Variants in UTP20 observed in about 807,000 individuals in gnomAD.
UTP20 encodes small subunit processome component 20 homolog.
Under a neutral mutation model 329.5 loss-of-function variants are expected in UTP20, and 164 were observed. The observed-to-expected ratio is 0.50, with a 90% confidence interval of 0.44 to 0.57. The LOEUF (loss-of-function observed/expected upper bound fraction) is 0.57. Ranked by LOEUF, UTP20 falls within the 20% of genes least tolerant of loss-of-function variation. UTP20 has a pLI of 0.00. For missense variants in UTP20, 3,055 were observed against 3,284.2 expected (o/e 0.93, Z 1.71); for synonymous variants, 1,151 against 1,159.3 (o/e 0.99, Z 0.14).
chr12:101,283,607 A>G (rs1261955302), intron 2 of UTP20, among the ~76,000 whole-genome samples: 1 of 152,226 alleles, frequency 6.6e-6, no homozygotes, highest in Non-Finnish European at 1.5e-5. Flanking sequence ...TAGGCTAGAA[A>G]TGCGTTCTGC....
At chr12:101,299,094 C>T (rs1022356584) in intron 12 of UTP20, among the ~76,000 whole-genome samples, 1 of 152,044 alleles carries the variant, frequency 6.6e-6, no homozygotes, top group Non-Finnish European at 1.5e-5. Context: ...AGGTGTAGTA[C>T]ATTGGCAAAA....
rs1472389738 is a variant in UTP20, at chr12:101,340,733, C to G, written c.4101+123C>G. Reference sequence around the variant, plus strand: ...CATTTGTCGCAAGGAACTTAAAATACTTTATATAGAAATTAAAAAAATTAG... The same window carrying G: ...CATTTGTCGCAAGGAACTTAAAATAGTTTATATAGAAATTAAAAAAATTAG... On this transcript the variant is annotated intron_variant, in intron 32 of 61. Coordinates refer to ENST00000261637, the MANE Select transcript of UTP20 (RefSeq NM_014503.3). The G allele has an allele frequency of 1.2e-5, 8 of 640,952 alleles. No homozygotes were observed. The East Asian group carries it at 1.8e-4, about 14-fold the overall frequency. The allele number at this position is 640,952 out of a possible 1,614,324, so 39.7% of individuals were successfully genotyped here.
chr12:101,385,912 T>G, intron 61 of UTP20, 56 bp from the exon 62 acceptor site: 1 of 1,472,814 alleles, frequency 6.8e-7, no homozygotes, highest in Non-Finnish European at 9.1e-7. Flanking sequence ...TATTTGATTC[T>G]TATTGGTTTA....
At chr12:101,306,808 A>G (rs1872652650) in intron 17 of UTP20, 47 bp downstream of exon 17, 4 of 1,511,406 alleles carry the variant, frequency 2.6e-6, no homozygotes, top group Non-Finnish European at 3.6e-6. Flanking sequence ...ATATAGTTTT[A>G]CATATTATTG....
intron 21 of UTP20, among the ~76,000 whole-genome samples, chr12:101,313,345 G>A (rs1446097154): frequency 1.3e-5 from 2 of 152,122 alleles, no homozygotes; most frequent in African/African-American, 4.8e-5. Context: ...TTGGAGATGA[G>A]GGCAGAAAGT....
At chr12:101,324,287 G>GA (rs1337253990) in intron 25 of UTP20, among the ~76,000 whole-genome samples, 1 of 150,120 alleles carries the variant, frequency 6.7e-6, no homozygotes, top group Non-Finnish European at 1.5e-5. Context: ...ACCCAGGCTG[G>GA]AAGGCAGTGG....
At chr12:101,297,396 G>T (rs887113637) in intron 12 of UTP20, among the ~76,000 whole-genome samples, 1 of 151,846 alleles carries the variant, frequency 6.6e-6, no homozygotes, top group Non-Finnish European at 1.5e-5. Flanking sequence ...TTTAATTTTT[G>T]TAGAGACGAG....
intron 25 of UTP20, among the ~76,000 whole-genome samples, chr12:101,323,369 G>A (rs1233765431): frequency 6.6e-6 from 1 of 152,074 alleles, no homozygotes; most frequent in Non-Finnish European, 1.5e-5. Context: ...AAACTTTTTG[G>A]TGTATATTAC....
intron 21 of UTP20, among the ~76,000 whole-genome samples, chr12:101,314,270 A>G (rs942422361): frequency 2.0e-5 from 3 of 152,212 alleles, no homozygotes; most frequent in Non-Finnish European, 2.9e-5. Context: ...GAATAAAGTG[A>G]CCGTTGGCTT....
In UTP20 at chr12:101,343,077, G is replaced by A. The variant is rs1418263566; in HGVS notation, c.4433G>A (p.Cys1478Tyr). Reference sequence around the variant, plus strand: ...TACCTAATTCCAGTTATGCATAATTGTTTCTATAATCTAGAGGTAGGTTAT... The same window carrying A: ...TACCTAATTCCAGTTATGCATAATTATTTCTATAATCTAGAGGTAGGTTAT... ...VNYLIPVMHN[C>Y]FYNLELGDMS... Residue 1478 changes from cysteine (C) to tyrosine (Y), a missense_variant, in exon 35 of 62, where the codon TGT becomes TAT. Transcript: ENST00000261637. 1 of 1,606,332 alleles carries A rather than the reference G, an allele frequency of 6.2e-7. No individual in the cohort carries two copies. Among genetic ancestry groups the A allele is most frequent in the Non-Finnish European group, 8.5e-7 (1 of 1,176,278 alleles).
chr12:101,341,200 A>G (rs1869122276), intron 32 of UTP20, among the ~76,000 whole-genome samples: 1 of 151,452 alleles, frequency 6.6e-6, no homozygotes, highest in Admixed American at 6.6e-5. Flanking sequence ...CTGGCCTGGA[A>G]CTCCTGACCT....
At chr12:101,342,174 G>A (rs945947606) in intron 32 of UTP20, among the ~76,000 whole-genome samples, 1 of 151,880 alleles carries the variant, frequency 6.6e-6, no homozygotes, top group Non-Finnish European at 1.5e-5. Flanking sequence ...TCATTTTCTT[G>A]TATCTTTTTT....
chr12:101,306,388 A>G (rs1272063860), intron 16 of UTP20, among the ~76,000 whole-genome samples: 1 of 152,110 alleles, frequency 6.6e-6, no homozygotes, highest in Admixed American at 6.6e-5. Context: ...ATACCTGAAT[A>G]TTGTACATTA....
chr12:101,386,215 T>TC lies in UTP20; in HGVS notation c.*92_*93insC. 1 of 1,103,852 alleles carries TC rather than the reference T, an allele frequency of 9.1e-7. No homozygotes were observed. Among genetic ancestry groups the TC allele is most frequent in the Non-Finnish European group, 1.3e-6 (1 of 787,520 alleles). 68.4% of individuals were successfully genotyped at this position (1,103,852 alleles called of 1,614,324 possible). A position where few individuals can be genotyped will look rare whatever the true frequency, so the allele number is the denominator to read the frequency against. On this transcript the variant is annotated 3_prime_UTR_variant, in exon 62 of 62. Transcript: ENST00000261637. ...TTGTCTGGGGTAGGGGGGAGGCGTT[T>TC]TTTTTTTTTTTTGAGACAAGGTCTC...
intron 58 of UTP20, among the ~76,000 whole-genome samples, chr12:101,382,820 T>C (rs916039443): frequency 4.0e-5 from 6 of 148,506 alleles, no homozygotes; most frequent in African/African-American, 1.5e-4. Flanking sequence ...ACCACTGCCC[T>C]CAGCCTGGGT....
chr12:101,368,039 G>A (rs1252874386), intron 48 of UTP20, 63 bp downstream of exon 48: 1 of 1,163,154 alleles, frequency 8.6e-7, no homozygotes, highest in Admixed American at 1.7e-5. Context: ...ATGTTTTGCA[G>A]AATACCTAAT....
chr12:101,298,731 T>C (rs560669362), intron 12 of UTP20, among the ~76,000 whole-genome samples: 1 of 152,336 alleles, frequency 6.6e-6, no homozygotes, highest in East Asian at 1.9e-4. Flanking sequence ...AAAAAGACTA[T>C]ATATATCAAG....
At chr12:101,319,896 C>T (rs1873094180) in intron 23 of UTP20, among the ~76,000 whole-genome samples, 1 of 152,010 alleles carries the variant, frequency 6.6e-6, no homozygotes, top group Non-Finnish European at 1.5e-5. Flanking sequence ...AATAGCAAAG[C>T]ATGAATTATA....
rs200642215 is a variant in UTP20 at position 101,356,684 on chromosome 12, A to G, written c.5525A>G (p.Asn1842Ser). 6 of 1,609,392 alleles carry G rather than the reference A, an allele frequency of 3.7e-6. No homozygotes were observed. The Admixed American group carries it at 6.8e-5, about 18-fold the overall frequency. Residue 1842 changes from asparagine to serine, a missense_variant, in exon 42 of 62, where the codon AAT becomes AGT. Transcript: ENST00000261637. ...CTTCCACAAGAAGTTATGGAAGCTA[A>G]TCTGCCAAGGTATGTTTTTTAACAA... ...QSLPQEVMEANLPSILLKVCA... is the reference protein window; with the variant it reads ...QSLPQEVMEASLPSILLKVCA...
Sources: allele counts gnomAD v4.1 joint callset (sites outside exome capture counted in the v4.1 genomes callset), GRCh38; gene constraint gnomAD v4.1.1; transcripts MANE v1.5; gene names NCBI Gene and HGNC (gene_info 2026-07-23, HGNC 2026-07-21).